Variants in SOBP observed in about 807,000 individuals in gnomAD.
The protein encoded by SOBP is sine oculis-binding protein homolog.
A neutral mutation model predicts 53.6 loss-of-function variants in SOBP; 4 were observed. The observed-to-expected ratio is 0.07, with a 90% confidence interval of 0.04 to 0.17. SOBP has a LOEUF of 0.17. SOBP is among the 10% of genes least tolerant of loss of function. SOBP has a pLI of 1.00. For missense variants in SOBP, 1,088 were observed against 1,204.7 expected, an observed-to-expected ratio of 0.90 and a Z score of 1.43; for synonymous variants, 584 against 522.6, an observed-to-expected ratio of 1.12 and a Z score of -1.60.
intron 4 of SOBP, among the ~76,000 whole-genome samples, chr6:107,564,115 A>C (rs1042295149): frequency 6.6e-6 from 1 of 152,182 alleles, no homozygotes; most frequent in Non-Finnish European, 1.5e-5. Flanking sequence ...TGAATGTGAC[A>C]ATGCACACCC....
intron 5 of SOBP, among the ~76,000 whole-genome samples, chr6:107,589,189 T>C (rs1392589121): frequency 6.6e-6 from 1 of 152,176 alleles, no homozygotes; most frequent in Non-Finnish European, 1.5e-5. Flanking sequence ...GCCATCTTCT[T>C]GCATGGATTG....
intron 4 of SOBP, among the ~76,000 whole-genome samples, chr6:107,548,371 C>T (rs530789133): frequency 1.5e-4 from 23 of 151,532 alleles, no homozygotes; most frequent in East Asian, 7.8e-4. Flanking sequence ...GCCTCCCGAG[C>T]AGCTGGGACT....
chr6:107,532,703 A>G (rs1375961376), intron 3 of SOBP, among the ~76,000 whole-genome samples: 3 of 152,168 alleles, frequency 2.0e-5, no homozygotes, highest in Non-Finnish European at 2.9e-5. Context: ...AGGACCACCA[A>G]TCTGGCTGAG....
rs747670932 is a variant in SOBP, at chr6:107,633,824, C to T, written c.980C>T (p.Ser327Leu). 4.3e-6 allele frequency: 7 copies of T among 1,614,068 alleles called. No homozygotes were observed. The highest frequency in any genetic ancestry group is 1.6e-4 in the Middle Eastern group (1 of 6,062). ...TAGQSQGPGP[S>L]ASTTVSPSDT... ...GGCCAAAGCCAGGGCCCTGGCCCGT[C>T]GGCGTCCACCACCGTCTCTCCATCT... The change falls in exon 6 of 7, where the codon TCG (serine) becomes TTG (leucine). Residue 327 changes from serine (S) to leucine (L), a missense_variant. By Grantham distance (145) the Ser-to-Leu change is moderately radical. Coordinates refer to ENST00000317357, the MANE Select transcript of SOBP (RefSeq NM_018013.4).
chr6:107,593,054 T>A (rs1320565555), intron 5 of SOBP, among the ~76,000 whole-genome samples: 2 of 152,218 alleles, frequency 1.3e-5, no homozygotes, highest in African/African-American at 4.8e-5. Context: ...GTGTTTCATC[T>A]TCTTCTCCAG....
chr6:107,552,955 A>G (rs921429632), intron 4 of SOBP, among the ~76,000 whole-genome samples: 2 of 152,198 alleles, frequency 1.3e-5, no homozygotes, highest in Non-Finnish European at 2.9e-5. Context: ...AGACTGATGA[A>G]GACATAATAG....
chr6:107,552,861 T>G (rs1019464301), intron 4 of SOBP, among the ~76,000 whole-genome samples: 1 of 152,122 alleles, frequency 6.6e-6, no homozygotes, highest in African/African-American at 2.4e-5. Context: ...AGTTAGAAAC[T>G]GCAGTGAGCT....
At chr6:107,609,452 G>A (rs1056816342) in intron 5 of SOBP, among the ~76,000 whole-genome samples, 10 of 152,140 alleles carry the variant, frequency 6.6e-5, no homozygotes, top group East Asian at 1.9e-4. Flanking sequence ...TACACTTCCC[G>A]CTCCTCAGCA....
intron 3 of SOBP, among the ~76,000 whole-genome samples, chr6:107,518,306 CAT>C (rs1783380513): frequency 6.6e-6 from 1 of 152,150 alleles, no homozygotes; most frequent in African/African-American, 2.4e-5. Context: ...GGTAAACACA[CAT>C]GAGAATGGCT....
At position 107,490,722 on chromosome 6, in the gene SOBP, G is replaced by A; in HGVS notation, c.96+10G>A. On this transcript the variant is annotated intron_variant, in intron 1 of 6. Coordinates refer to ENST00000317357, the MANE Select transcript of SOBP (RefSeq NM_018013.4). Reference sequence around the variant, plus strand: ...CAATGAGGAGATGAAGGTATTTTTTGATCTCGGGGGCCAGGGAGACTGAGC... The same window carrying A: ...CAATGAGGAGATGAAGGTATTTTTTAATCTCGGGGGCCAGGGAGACTGAGC... 6.4e-7 allele frequency: 1 copy of A among 1,574,134 alleles called. No individual in the cohort carries two copies.
Position 107,584,269 on chromosome 6 carries a change from A to C in SOBP, c.574-2811A>C, listed in dbSNP as rs975102113. The stretch of plus-strand genomic sequence containing the variant: ...CCAATATGTTAAAAAAAAAAAAAAA[A>C]AACACCCCAGATGATTCTAATATGC... On this transcript the variant is annotated intron_variant, in intron 4 of 6. Transcript: ENST00000317357. Among the ~76,000 whole-genome samples the C allele has an allele frequency of 5.9e-5, 9 of 152,130 alleles. 1 individual carries two copies. The South Asian group carries it at 1.5e-3, about 25-fold the overall frequency.
chr6:107,650,051 A>G (rs978561459), intron 6 of SOBP, among the ~76,000 whole-genome samples: 2 of 152,250 alleles, frequency 1.3e-5, no homozygotes, highest in Non-Finnish European at 2.9e-5. Context: ...GGAGTCTTAC[A>G]TGGTTGTAAT....
At chr6:107,630,622 C>A (rs957261914) in intron 5 of SOBP, among the ~76,000 whole-genome samples, 1 of 152,088 alleles carries the variant, frequency 6.6e-6, no homozygotes, top group African/African-American at 2.4e-5. Flanking sequence ...TTCATTATTT[C>A]TTAAGTGACA....
At chr6:107,535,592 G>C (rs1783969253) in intron 4 of SOBP, among the ~76,000 whole-genome samples, 1 of 149,766 alleles carries the variant, frequency 6.7e-6, no homozygotes, top group Admixed American at 6.6e-5. Context: ...ATATCCCAAA[G>C]CTCTGATGTG....
chr6:107,532,087 T>C lies in SOBP; in HGVS notation c.422-1372T>C, dbSNP rs79129771. ...GGACCAGGCCTTGCTTAGCAATTAGTCTTTGGGGGATTTTATCCAGAAATC... is the reference window on the plus strand; with the variant it reads ...GGACCAGGCCTTGCTTAGCAATTAGCCTTTGGGGGATTTTATCCAGAAATC... On this transcript the variant is annotated intron_variant, in intron 3 of 6. Transcript: ENST00000317357. Among the ~76,000 whole-genome samples, 491 of 152,140 alleles carry C rather than the reference T, an allele frequency of 3.2e-3. 4 individuals are homozygous for C. Among genetic ancestry groups the C allele is most frequent in the African/African-American group, 0.011 (466 of 41,514 alleles).
chr6:107,566,421 T>C (rs1784918624), intron 4 of SOBP, among the ~76,000 whole-genome samples: 1 of 152,192 alleles, frequency 6.6e-6, no homozygotes, highest in Non-Finnish European at 1.5e-5. Context: ...ACCAAGACTT[T>C]AGAAAGGGAA....
intron 6 of SOBP, among the ~76,000 whole-genome samples, chr6:107,643,948 T>A (rs1562124112): frequency 6.6e-6 from 1 of 152,228 alleles, no homozygotes; most frequent in Non-Finnish European, 1.5e-5. Context: ...TGGTTGTCTG[T>A]GATTTAAAAC....
chr6:107,529,489 A>G (rs1039547655), intron 3 of SOBP: 3 of 985,296 alleles, frequency 3.0e-6, no homozygotes, highest in Admixed American at 1.2e-4. Context: ...TGTCCCAGCA[A>G]ATACTTTCGG....
intron 4 of SOBP, among the ~76,000 whole-genome samples, chr6:107,549,576 C>A (rs1334761604): frequency 6.6e-6 from 1 of 151,926 alleles, no homozygotes; most frequent in Non-Finnish European, 1.5e-5. Context: ...TCCTTTCCCC[C>A]AGAAGTACAG....
Sources: gnomAD v4.1 joint callset for allele counts (sites outside exome capture counted in the v4.1 genomes callset) on GRCh38, gnomAD v4.1.1 for gene constraint, MANE v1.5 for transcripts, NCBI Gene and HGNC (gene_info 2026-07-23, HGNC 2026-07-21) for gene names.